The following NRXN1 variants were observed in gnomAD, a reference collection of about 807,000 sequenced individuals.
NRXN1 encodes the protein neurexin 1, also known as neurexin-1.
A neutral mutation model predicts 150.9 loss-of-function variants in NRXN1; 39 were observed. That is an observed-to-expected ratio of 0.26 (90% confidence interval 0.20 to 0.34). NRXN1 has a LOEUF of 0.34. NRXN1 is among the 10% of genes least tolerant of loss of function. The pLI, the probability that NRXN1 is intolerant of heterozygous loss-of-function variation, is 1.00. For synonymous variants in NRXN1, 924 were observed against 757.0 expected (o/e 1.22, Z -3.62); for missense variants, 1,815 against 1,949.9 (o/e 0.93, Z 1.30).
chr2:50,215,906 T>A (rs1275738511), intron 18 of NRXN1, among the ~76,000 whole-genome samples: 2 of 152,044 alleles, frequency 1.3e-5, no homozygotes, highest in Non-Finnish European at 2.9e-5. Flanking sequence ...AGTACATAAT[T>A]GGCATTTTTC....
chr2:50,387,301 T>C (rs567493821), intron 17 of NRXN1, among the ~76,000 whole-genome samples: 1 of 152,298 alleles, frequency 6.6e-6, no homozygotes, highest in African/African-American at 2.4e-5. Context: ...ATAACAATTA[T>C]AATGGACTTC....
chr2:51,001,711 T>C (rs905563838), intron 2 of NRXN1, among the ~76,000 whole-genome samples: 2 of 152,002 alleles, frequency 1.3e-5, no homozygotes, highest in African/African-American at 4.8e-5. Flanking sequence ...TCTCATTTCA[T>C]TCTTGATAGG....
chr2:50,209,386 C>G (rs1296571664), intron 18 of NRXN1, among the ~76,000 whole-genome samples: 1 of 152,152 alleles, frequency 6.6e-6, no homozygotes, highest in Non-Finnish European at 1.5e-5. Flanking sequence ...TAGCACTATG[C>G]TAGGCCCTTC....
intron 17 of NRXN1, among the ~76,000 whole-genome samples, chr2:50,335,669 C>T (rs904747061): frequency 7.9e-5 from 12 of 152,220 alleles, no homozygotes; most frequent in Non-Finnish European, 1.6e-4. Flanking sequence ...TTAACTCCCA[C>T]ATGGACAAAG....
chr2:49,998,844 T>G (rs1573319007), intron 21 of NRXN1, among the ~76,000 whole-genome samples: 1 of 152,142 alleles, frequency 6.6e-6, no homozygotes, highest in South Asian at 2.1e-4. Flanking sequence ...TAAATTTTTC[T>G]CTGTCTTTTC....
At chr2:50,037,949 A>G (rs1456941982) in intron 21 of NRXN1, among the ~76,000 whole-genome samples, 1 of 152,208 alleles carries the variant, frequency 6.6e-6, no homozygotes, top group Non-Finnish European at 1.5e-5. Flanking sequence ...AATTGCGGCC[A>G]TAGAAAAGCC....
chr2:50,819,799 T>A (rs1181853709), intron 5 of NRXN1, among the ~76,000 whole-genome samples: 4 of 152,072 alleles, frequency 2.6e-5, no homozygotes, highest in African/African-American at 9.6e-5. Flanking sequence ...AAAAGAAAAA[T>A]CCTTGGTTGT....
chr2:51,023,794 G>A (rs1669998735), intron 2 of NRXN1, among the ~76,000 whole-genome samples: 1 of 152,178 alleles, frequency 6.6e-6, no homozygotes, highest in African/African-American at 2.4e-5. Context: ...ACAAATGAAT[G>A]AATGAGTGAA....
chr2:49,932,735 A>ATTT (rs1376710782), intron 22 of NRXN1, among the ~76,000 whole-genome samples: 3 of 152,124 alleles, frequency 2.0e-5, no homozygotes, highest in Non-Finnish European at 4.4e-5. Context: ...TTTGTTTCTT[A>ATTT]TTTTATGTAG....
chr2:50,701,968 T>C (rs1693803924), intron 5 of NRXN1, among the ~76,000 whole-genome samples: 2 of 152,180 alleles, frequency 1.3e-5, no homozygotes, highest in South Asian at 4.1e-4. Context: ...ATATTCAATT[T>C]AGAATAATCA....
At chr2:50,779,354 T>C (rs1704055333) in intron 5 of NRXN1, among the ~76,000 whole-genome samples, 1 of 152,250 alleles carries the variant, frequency 6.6e-6, no homozygotes, top group African/African-American at 2.4e-5. Context: ...CATGAACTCA[T>C]CTTTTTTATG....
chr2:50,939,956 A>T (rs1689153277), intron 2 of NRXN1, among the ~76,000 whole-genome samples: 1 of 152,112 alleles, frequency 6.6e-6, no homozygotes, highest in East Asian at 1.9e-4. Context: ...AGAACCACCC[A>T]TTGCATTTAG....
At chr2:50,199,227 C>T (rs1430417618) in intron 18 of NRXN1, 1 of 151,940 alleles carries the variant, frequency 6.6e-6, no homozygotes, top group Non-Finnish European at 1.5e-5. Flanking sequence ...AGATTGAATC[C>T]AAAGGTTCAT....
chr2:49,991,148 C>T (rs112592170), intron 21 of NRXN1, among the ~76,000 whole-genome samples: 193 of 152,238 alleles, frequency 1.3e-3, no homozygotes, highest in African/African-American at 4.5e-3. Flanking sequence ...AGAAACTTGA[C>T]ACTTCTCCAC....
chr2:50,684,560 A>C (rs1690940173), intron 5 of NRXN1, among the ~76,000 whole-genome samples: 1 of 152,112 alleles, frequency 6.6e-6, no homozygotes, highest in Non-Finnish European at 1.5e-5. Flanking sequence ...TGAATGAAGA[A>C]ATATGTAATA....
At chr2:50,551,074 A>AGAGGAGGAG (rs1190766975) in intron 9 of NRXN1, among the ~76,000 whole-genome samples, 8 of 110,784 alleles carry the variant, frequency 7.2e-5, no homozygotes, top group Non-Finnish European at 1.5e-4. Context: ...AAGAAGAAGA[A>AGAGGAGGAG]GAGGAGGAGG....
intron 19 of NRXN1, among the ~76,000 whole-genome samples, chr2:50,071,294 ATACT>A (rs1696260061): frequency 6.6e-6 from 1 of 152,212 alleles, no homozygotes; most frequent in Admixed American, 6.5e-5. Context: ...AACCCTACAC[ATACT>A]TAAAGACTGT....
At chr2:50,051,466 TAAAGG>T (rs1692695508) in intron 21 of NRXN1, among the ~76,000 whole-genome samples, 1 of 152,082 alleles carries the variant, frequency 6.6e-6, no homozygotes, top group South Asian at 2.1e-4. Context: ...TTATTTTAGA[TAAAGG>T]AAAGTCTATC....
intron 17 of NRXN1, among the ~76,000 whole-genome samples, chr2:50,242,750 T>C (rs2066135946): frequency 1.3e-5 from 2 of 151,708 alleles, no homozygotes; most frequent in Admixed American, 6.6e-5. Flanking sequence ...CTATATATCA[T>C]AAATTAAGAC....
Sources: allele counts gnomAD v4.1 joint callset (sites outside exome capture counted in the v4.1 genomes callset), GRCh38; gene constraint gnomAD v4.1.1; transcripts MANE v1.5; gene names NCBI Gene and HGNC (gene_info 2026-07-23, HGNC 2026-07-21).